Variants in HOMER1 observed in about 807,000 individuals in gnomAD.
HOMER1 encodes homer protein homolog 1.
A neutral mutation model predicts 48.9 loss-of-function variants in HOMER1; 3 were observed. That is an observed-to-expected ratio of 0.06 (90% CI 0.03 to 0.16). HOMER1 has a LOEUF of 0.16. Ranked by LOEUF, HOMER1 falls within the 10% of genes least tolerant of loss-of-function variation. The pLI, the probability that HOMER1 is intolerant of heterozygous loss-of-function variation, is 1.00. For missense variants in HOMER1, 247 were observed against 411.4 expected (o/e 0.60, Z 3.46); for synonymous variants, 134 against 146.4 (o/e 0.92, Z 0.61).
At chr5:79,401,874 C>A (rs1749544718) in intron 6 of HOMER1, 25 bp downstream of exon 6, 3 of 1,611,868 alleles carry the variant, frequency 1.9e-6, no homozygotes, top group African/African-American at 1.3e-5. Context: ...CCCTAAATCC[C>A]TATAGACATC....
intron 1 of HOMER1, among the ~76,000 whole-genome samples, chr5:79,470,293 A>C (rs1241321974): frequency 6.6e-6 from 1 of 152,228 alleles, no homozygotes; most frequent in Non-Finnish European, 1.5e-5. Flanking sequence ...GTACAATATC[A>C]GAAGTGCATC....
At chr5:79,461,689 A>G (rs1751321171) in intron 1 of HOMER1, among the ~76,000 whole-genome samples, 1 of 152,138 alleles carries the variant, frequency 6.6e-6, no homozygotes, top group South Asian at 2.1e-4. Flanking sequence ...TCAAAAGACA[A>G]ATTCTGAGGT....
chr5:79,491,400 C>G (rs1164572025), intron 1 of HOMER1, among the ~76,000 whole-genome samples: 3 of 126,686 alleles, frequency 2.4e-5, no homozygotes, highest in Admixed American at 9.7e-5. Flanking sequence ...GACTGTGCCA[C>G]TACACTCCAG....
intron 8 of HOMER1, among the ~76,000 whole-genome samples, chr5:79,379,107 TATATATAAAATATATAAA>T (rs1748864583): frequency 1.0e-5 from 1 of 96,512 alleles, no homozygotes; most frequent in African/African-American, 4.3e-5. Flanking sequence ...TATATATATA[TATATATAAAATATATAAA>T]TATTTATTTA....
chr5:79,475,262 C>T (rs73770428), intron 1 of HOMER1, among the ~76,000 whole-genome samples: 2,031 of 152,118 alleles, frequency 0.013, 38 homozygotes, highest in African/African-American at 0.047. Flanking sequence ...ATTATAGAGC[C>T]GGCACACTGT....
chr5:79,474,195 G>A (rs1751694241), intron 1 of HOMER1, among the ~76,000 whole-genome samples: 1 of 145,860 alleles, frequency 6.9e-6, no homozygotes, highest in Non-Finnish European at 1.5e-5. Flanking sequence ...GCACCATCAT[G>A]CCCAACCAAA....
At chr5:79,504,712 A>C (rs1326059713) in intron 1 of HOMER1, among the ~76,000 whole-genome samples, 1 of 152,228 alleles carries the variant, frequency 6.6e-6, no homozygotes, top group Non-Finnish European at 1.5e-5. Context: ...CAGAAGAAAG[A>C]CAATAACTAC....
At chr5:79,459,063 A>C (rs1751247402) in intron 1 of HOMER1, among the ~76,000 whole-genome samples, 1 of 152,192 alleles carries the variant, frequency 6.6e-6, no homozygotes, top group South Asian at 2.1e-4. Context: ...CACATAAGGA[A>C]GGGAGGTAAG....
chr5:79,432,624 T>A (rs1418934182), intron 5 of HOMER1, among the ~76,000 whole-genome samples: 1 of 152,148 alleles, frequency 6.6e-6, no homozygotes, highest in African/African-American at 2.4e-5. Context: ...CCTCAAAATC[T>A]TTAGAGAATG....
intron 5 of HOMER1, among the ~76,000 whole-genome samples, chr5:79,403,057 C>T (rs910270788): frequency 6.6e-6 from 1 of 152,146 alleles, no homozygotes; most frequent in Non-Finnish European, 1.5e-5. Flanking sequence ...AGTACCTCAA[C>T]TAAAACAATT....
intron 5 of HOMER1, among the ~76,000 whole-genome samples, chr5:79,406,905 G>C (rs1580429185): frequency 6.9e-6 from 1 of 144,682 alleles, no homozygotes; most frequent in East Asian, 2.1e-4. Context: ...TGGGACAAAG[G>C]GTCTACCCAA....
At chr5:79,505,590 T>C (rs974609806) in intron 1 of HOMER1, among the ~76,000 whole-genome samples, 3 of 152,200 alleles carry the variant, frequency 2.0e-5, no homozygotes, top group Non-Finnish European at 4.4e-5. Context: ...ATTGAAACTC[T>C]TCTTGTTTTA....
At chr5:79,450,849 C>A in intron 3 of HOMER1, 141 bp downstream of exon 3, 1 of 717,790 alleles carries the variant, frequency 1.4e-6, no homozygotes, top group East Asian at 2.8e-5. Context: ...TCTCTTACTT[C>A]TTGCTCTGAA....
chr5:79,376,780 T>C (rs906010105), intron 8 of HOMER1, among the ~76,000 whole-genome samples: 1 of 152,132 alleles, frequency 6.6e-6, no homozygotes, highest in Admixed American at 6.6e-5. Context: ...AGATACATAA[T>C]AACTGTACAT....
At chr5:79,417,144 A>G (rs964691667) in intron 5 of HOMER1, among the ~76,000 whole-genome samples, 3 of 132,030 alleles carry the variant, frequency 2.3e-5, no homozygotes, top group Admixed American at 1.5e-4. Flanking sequence ...CCGCACCCCT[A>G]CTTTTTTTTT....
intron 5 of HOMER1, among the ~76,000 whole-genome samples, chr5:79,433,057 CAG>C (rs1331131775): frequency 3.3e-5 from 5 of 152,152 alleles, no homozygotes; most frequent in African/African-American, 1.2e-4. Flanking sequence ...AACCAAGTCC[CAG>C]CTTTACATAC....
chr5:79,484,383 A>C lies in HOMER1; in HGVS notation c.6-27365T>G, dbSNP rs186793305. ...TACATAAGATGGTAGACTTAAACCC[A>C]ATCATATCAATAATATTAAATGTAC... is the stretch of plus-strand genomic sequence containing the variant. On this transcript the variant is annotated intron_variant, in intron 1 of 8. Coordinates refer to ENST00000334082, the MANE Select transcript of HOMER1 (RefSeq NM_004272.5). Among the ~76,000 whole-genome samples, 42 of 152,244 alleles carry C rather than the reference A, an allele frequency of 2.8e-4. No homozygotes were observed. In the East Asian group the frequency reaches 8.1e-3, roughly 29 times the overall value.
At chr5:79,505,293 G>T (rs1255738330) in intron 1 of HOMER1, among the ~76,000 whole-genome samples, 1 of 152,028 alleles carries the variant, frequency 6.6e-6, no homozygotes. Context: ...TGAGAAATTA[G>T]GAACAAACCA....
chr5:79,423,513 G>A (rs1750160830), intron 5 of HOMER1, among the ~76,000 whole-genome samples: 1 of 152,118 alleles, frequency 6.6e-6, no homozygotes, highest in Non-Finnish European at 1.5e-5. Context: ...AATTATGTGT[G>A]TGCATAATGC....
Sources: gnomAD v4.1 joint callset for allele counts (sites outside exome capture counted in the v4.1 genomes callset) on GRCh38, gnomAD v4.1.1 for gene constraint, MANE v1.5 for transcripts, NCBI Gene and HGNC (gene_info 2026-07-23, HGNC 2026-07-21) for gene names.